Variants in FHIT observed in about 807,000 individuals in gnomAD.
The protein encoded by FHIT is bis(5'-adenosyl)-triphosphatase.
A neutral mutation model predicts 17.9 loss-of-function variants in FHIT; 19 were observed. The ratio of observed to expected loss-of-function variants is 1.06; its 90% CI spans 0.74 to 1.56. FHIT has a LOEUF of 1.56. FHIT is among the 40% of genes most tolerant of loss of function. FHIT has a pLI of 0.00. For missense variants in FHIT, 248 were observed against 189.2 expected (o/e 1.31, Z -1.82); for synonymous variants, 81 against 69.7 (o/e 1.16, Z -0.81).
intron 4 of FHIT, among the ~76,000 whole-genome samples, chr3:60,712,879 G>C (rs1553705532): frequency 2.8e-5 from 4 of 144,990 alleles, no homozygotes; most frequent in African/African-American, 1.0e-4. Flanking sequence ...GAGACAGAAA[G>C]TTAACAAGGA....
chr3:60,479,226 C>T (rs760665419), intron 5 of FHIT, among the ~76,000 whole-genome samples: 3 of 152,152 alleles, frequency 2.0e-5, no homozygotes, highest in Non-Finnish European at 4.4e-5. Flanking sequence ...CAGTGTTATG[C>T]AGTGATGCCC....
At chr3:59,820,343 C>T (rs1217924895) in intron 8 of FHIT, among the ~76,000 whole-genome samples, 1 of 152,216 alleles carries the variant, frequency 6.6e-6, no homozygotes. Context: ...TGGGCATGTA[C>T]AGTGAACAAC....
At chr3:60,422,256 G>C (rs1278874315) in intron 5 of FHIT, among the ~76,000 whole-genome samples, 1 of 152,136 alleles carries the variant, frequency 6.6e-6, no homozygotes, top group Non-Finnish European at 1.5e-5. Context: ...TTTGCACACA[G>C]AAGTGTGACA....
At chr3:60,525,353 A>G (rs2035532606) in intron 5 of FHIT, among the ~76,000 whole-genome samples, 1 of 152,224 alleles carries the variant, frequency 6.6e-6, no homozygotes, top group African/African-American at 2.4e-5. Context: ...TATCCCATAA[A>G]TATTTATCAA....
chr3:61,226,351 C>T (rs2039970509), intron 1 of FHIT, among the ~76,000 whole-genome samples: 1 of 152,170 alleles, frequency 6.6e-6, no homozygotes, highest in Admixed American at 6.5e-5. Flanking sequence ...TTGCCCTTCA[C>T]AAAGGCAGTC....
intron 5 of FHIT, among the ~76,000 whole-genome samples, chr3:60,093,772 G>A (rs1193552016): frequency 6.6e-6 from 1 of 152,182 alleles, no homozygotes; most frequent in Non-Finnish European, 1.5e-5. Flanking sequence ...ATGATATAGG[G>A]TGGAACAGTT....
At chr3:60,449,023 C>G (rs1004689054) in intron 5 of FHIT, among the ~76,000 whole-genome samples, 9 of 152,092 alleles carry the variant, frequency 5.9e-5, no homozygotes, top group Non-Finnish European at 1.2e-4. Context: ...AGTTTCTAAG[C>G]TTGAATAAAG....
At chr3:59,996,155 C>T (rs185700489) in intron 7 of FHIT, among the ~76,000 whole-genome samples, 39 of 152,182 alleles carry the variant, frequency 2.6e-4, no homozygotes, top group African/African-American at 9.4e-4. Context: ...CATTCGTGCT[C>T]TTATTTAATA....
chr3:60,761,775 G>GA (rs1354617729), intron 4 of FHIT, among the ~76,000 whole-genome samples: 2 of 151,860 alleles, frequency 1.3e-5, no homozygotes, highest in East Asian at 3.9e-4. Context: ...AACAAGTTTT[G>GA]AAAAATCATT....
intron 7 of FHIT, among the ~76,000 whole-genome samples, chr3:59,953,688 A>G (rs1434695271): frequency 1.3e-5 from 2 of 152,198 alleles, no homozygotes; most frequent in African/African-American, 4.8e-5. Flanking sequence ...AACAGAATCT[A>G]AAACCACTGC....
intron 5 of FHIT, among the ~76,000 whole-genome samples, chr3:60,189,059 C>T (rs1702283620): frequency 6.6e-6 from 1 of 152,104 alleles, no homozygotes; most frequent in Admixed American, 6.6e-5. Context: ...CCTCACCTAG[C>T]TTTTGAAAGC....
chr3:60,474,041 A>G (rs2033222410), intron 5 of FHIT, among the ~76,000 whole-genome samples: 1 of 152,180 alleles, frequency 6.6e-6, no homozygotes, highest in East Asian at 1.9e-4. Context: ...AACTAGAAAA[A>G]AAGACATCTT....
intron 5 of FHIT, among the ~76,000 whole-genome samples, chr3:60,090,714 C>T (rs1164571648): frequency 6.6e-6 from 1 of 152,140 alleles, no homozygotes; most frequent in African/African-American, 2.4e-5. Context: ...CTTTGATGGG[C>T]TGCTTTGATG....
At chr3:60,111,741 C>G (rs1374641057) in intron 5 of FHIT, among the ~76,000 whole-genome samples, 3 of 152,188 alleles carry the variant, frequency 2.0e-5, no homozygotes, top group Non-Finnish European at 4.4e-5. Context: ...TGGTCCCTAT[C>G]TTGGCTCTGC....
intron 5 of FHIT, among the ~76,000 whole-genome samples, chr3:60,175,584 A>G (rs944782287): frequency 1.3e-5 from 2 of 152,184 alleles, no homozygotes; most frequent in Non-Finnish European, 2.9e-5. Flanking sequence ...AATACGAGCA[A>G]AGTTACAATG....
At chr3:60,043,347 T>C (rs1701520492) in intron 5 of FHIT, among the ~76,000 whole-genome samples, 1 of 152,240 alleles carries the variant, frequency 6.6e-6, no homozygotes, top group South Asian at 2.1e-4. Flanking sequence ...TGGTTGGAGA[T>C]AATAAGTAAC....
chr3:59,792,515 G>A (rs888430244), intron 8 of FHIT, among the ~76,000 whole-genome samples: 4 of 152,146 alleles, frequency 2.6e-5, no homozygotes, highest in Non-Finnish European at 5.9e-5. Flanking sequence ...TTTCTGGGGT[G>A]GTGGGGTGGA....
intron 4 of FHIT, chr3:60,732,382 C>A: frequency 1.2e-6 from 1 of 801,694 alleles, no homozygotes. Flanking sequence ...ATGAAGTTCT[C>A]CTCATCAAAT....
intron 5 of FHIT, among the ~76,000 whole-genome samples, chr3:60,223,476 C>T (rs1396294959): frequency 2.0e-5 from 3 of 151,992 alleles, no homozygotes; most frequent in African/African-American, 7.2e-5. Context: ...GGTGGTAATC[C>T]GAGAGCTTTT....
Sources: gnomAD v4.1 joint callset for allele counts (sites outside exome capture counted in the v4.1 genomes callset) on GRCh38, gnomAD v4.1.1 for gene constraint, MANE v1.5 for transcripts, NCBI Gene and HGNC (gene_info 2026-07-23, HGNC 2026-07-21) for gene names.